XIST: variants seen among roughly 807,000 people sequenced by gnomAD.
The protein encoded by XIST is X inactive specific transcript, also known as X inactive specific transcript (non-protein coding).
exon 6 of XIST, chrX:73,823,266 G>GA (rs761926381): frequency 2.0e-6 from 1 of 499,796 alleles, no homozygotes; most frequent in Non-Finnish European, 3.5e-6. Context: ...CTGAAACTAG[G>GA]AAAAATGTCT....
chrX:73,852,289 G>T (rs1386908606), exon 1 of XIST: 3 of 539,656 alleles, frequency 5.6e-6, no homozygotes, highest in East Asian at 3.3e-5. Context: ...CCGCGGCCCC[G>T]ATGGGCGAAT....
chrX:73,848,632 T>C (rs1922834672), exon 1 of XIST: 1 of 556,561 alleles, frequency 1.8e-6, no homozygotes, highest in African/African-American at 2.2e-5. Context: ...AAATTAACTG[T>C]TCAAGAGCTG....
At chrX:73,850,154 G>A (rs989293760) in exon 1 of XIST, 2 of 557,859 alleles carry the variant, frequency 3.6e-6, no homozygotes, top group Non-Finnish European at 6.5e-6. Context: ...AGGTCATGAA[G>A]TTAAATTTTT....
rs112769630 is a variant in XIST at position 73,842,620 on chromosome X, A to G, written n.10104T>C. ...TGATGGGCTGAAAAATGGGACAATC[A>G]GTACTGTGTTTATTAATAACACAGA... On this transcript the variant is annotated non_coding_transcript_exon_variant, in exon 1 of 6. Transcript: ENST00000429829. 0.015 allele frequency: 8,588 copies of G among 556,661 alleles called. 390 individuals are homozygous for G. The highest frequency in any genetic ancestry group is 0.15 in the African/African-American group (6,643 of 44,564). The allele number at this position is 556,661 out of a possible 1,213,427, so 45.9% of individuals were successfully genotyped here. A position where few individuals can be genotyped will look rare whatever the true frequency, so the allele number is the denominator to read the frequency against.
At chrX:73,822,899 T>C (rs758482859) in exon 6 of XIST, 2 of 558,290 alleles carry the variant, frequency 3.6e-6, no homozygotes, top group South Asian at 2.2e-5. Flanking sequence ...TCTTCTCAAC[T>C]AAAGAAACAC....
At chrX:73,833,062 T>C (rs940314162) in intron 3 of XIST, among the ~76,000 whole-genome samples, 1 of 109,839 alleles carries the variant, frequency 9.1e-6, no homozygotes, top group South Asian at 4.0e-4. Flanking sequence ...TATTTTATTG[T>C]AGAGACATGG....
In XIST at chrX:73,850,415, C is replaced by T. The variant is rs113875722; in HGVS notation, n.2309G>A. On this transcript the variant is annotated non_coding_transcript_exon_variant, in exon 1 of 6. Coordinates refer to ENST00000429829, the Ensembl canonical transcript of XIST. ...TCTTAATACATTTCTATAATAGTCACTTAAGACTTAAATTCAAACACTAGC... is the reference window on the plus strand; with the variant it reads ...TCTTAATACATTTCTATAATAGTCATTTAAGACTTAAATTCAAACACTAGC... 0.015 allele frequency: 8,223 copies of T among 537,654 alleles called. 386 individuals carry two copies. Among genetic ancestry groups the T allele is most frequent in the African/African-American group, 0.15 (6,358 of 43,088 alleles). The allele number at this position is 537,654 out of a possible 1,213,427, so 44.3% of individuals were successfully genotyped here.
In XIST at chrX:73,820,987, T is replaced by G. The variant is rs369450260; in HGVS notation, n.18914A>C. On this transcript the variant is annotated non_coding_transcript_exon_variant, in exon 6 of 6. Coordinates refer to ENST00000429829, the Ensembl canonical transcript of XIST. ...AATAAAGCAGATGATGATAAAATGT[T>G]CTCTTATTCTTGTTTAATCAGTAGT... is the stretch of plus-strand genomic sequence containing the variant. 5.4e-6 allele frequency: 3 copies of G among 557,593 alleles called. No individual in the cohort carries two copies. In the African/African-American group the frequency reaches 6.7e-5, roughly 12 times the overall value. 46.0% of individuals were successfully genotyped at this position (557,593 alleles called of 1,213,427 possible). A position where few individuals can be genotyped will look rare whatever the true frequency, so the allele number is the denominator to read the frequency against.
exon 1 of XIST, chrX:73,849,336 C>T (rs376262768): frequency 2.9e-5 from 16 of 557,290 alleles, no homozygotes; most frequent in Non-Finnish European, 4.9e-5. Flanking sequence ...CTGCGACCCC[C>T]TGCTGAATGC....
At chrX:73,823,695 A>G in exon 6 of XIST, 2 of 558,491 alleles carry the variant, frequency 3.6e-6, no homozygotes, top group Non-Finnish European at 6.5e-6. Context: ...CATCTCCTCA[A>G]TCAGGCCAGG....
exon 1 of XIST, chrX:73,845,982 T>G (rs1189047987): frequency 1.8e-6 from 1 of 548,424 alleles, no homozygotes; most frequent in Non-Finnish European, 3.3e-6. Context: ...ATGGGCAAAG[T>G]GGTTATGCAC....
At chrX:73,821,244 C>T in exon 6 of XIST, 4 of 557,101 alleles carry the variant, frequency 7.2e-6, no homozygotes, top group South Asian at 4.5e-5. Flanking sequence ...GCTCCCTCCA[C>T]CAATCATACT....
exon 1 of XIST, chrX:73,848,672 A>G (rs775088754): frequency 1.3e-5 from 7 of 556,965 alleles, no homozygotes; most frequent in Non-Finnish European, 2.3e-5. Context: ...CGTTAGCAAC[A>G]TCCCACAGAA....
chrX:73,821,184 T>C (rs1470497532), exon 6 of XIST: 1 of 557,443 alleles, frequency 1.8e-6, no homozygotes, highest in Admixed American at 2.2e-5. Flanking sequence ...TAACTAAAAA[T>C]GTACAGAATG....
At chrX:73,837,238 T>C (rs764920847) in intron 2 of XIST, among the ~76,000 whole-genome samples, 8 of 111,646 alleles carry the variant, frequency 7.2e-5, no homozygotes, top group Non-Finnish European at 1.5e-4. Flanking sequence ...ATAAGTCATG[T>C]TGATAGTATG....
chrX:73,837,476 C>A, exon 2 of XIST: 1 of 509,722 alleles, frequency 2.0e-6, no homozygotes, highest in Non-Finnish European at 3.5e-6. Context: ...ACTAAGGACA[C>A]ATGCAGCGTG....
chrX:73,825,160 CCCTT>C, exon 6 of XIST: 1 of 532,986 alleles, frequency 1.9e-6, no homozygotes, highest in Non-Finnish European at 3.4e-6. Context: ...CAAGCTTAGT[CCCTT>C]ATGTTTTCAG....
chrX:73,833,336 G>C lies in XIST; in HGVS notation n.11445C>G, dbSNP rs557583327. The C allele has an allele frequency of 1.7e-4, 97 of 556,142 alleles. No homozygotes were observed. The Admixed American group carries it at 2.1e-3, about 12-fold the overall frequency. 45.8% of individuals were successfully genotyped at this position (556,142 alleles called of 1,213,427 possible). ...TATGATTAATTTGGAGCCTCTTATA[G>C]CTGTTTGCAGTCCTCAGGTCTCACA... is the stretch of plus-strand genomic sequence containing the variant. On this transcript the variant is annotated non_coding_transcript_exon_variant, in exon 3 of 6. Transcript: ENST00000429829.
chrX:73,852,074 G>A (rs1247484318), exon 1 of XIST: 4 of 525,872 alleles, frequency 7.6e-6, no homozygotes, highest in Non-Finnish European at 1.4e-5. Context: ...AATTAAAGCA[G>A]GTATCCGAGG....
Sources: gnomAD v4.1 joint callset for allele counts (sites outside exome capture counted in the v4.1 genomes callset) on GRCh38, gnomAD v4.1.1 for gene constraint, MANE v1.5 for transcripts, NCBI Gene and HGNC (gene_info 2026-07-23, HGNC 2026-07-21) for gene names.